Variants in TRPM3 observed in about 807,000 individuals in gnomAD.
TRPM3 encodes transient receptor potential cation channel subfamily M member 3, also known as long transient receptor potential channel 3.
A neutral mutation model predicts 181.2 loss-of-function variants in TRPM3; 77 were observed. That is an observed-to-expected ratio of 0.42 (90% CI 0.35 to 0.51). TRPM3 has a LOEUF of 0.51. TRPM3 is among the 20% of genes least tolerant of loss of function. TRPM3 has a pLI of 0.01. For missense variants in TRPM3, 1,759 were observed against 2,196.7 expected (o/e 0.80, Z 3.98); for synonymous variants, 745 against 796.4 (o/e 0.94, Z 1.09).
At chr9:70,561,974 AG>A (rs1220952687) in intron 22 of TRPM3, among the ~76,000 whole-genome samples, 6 of 152,216 alleles carry the variant, frequency 3.9e-5, no homozygotes, top group Admixed American at 3.9e-4. Context: ...TCCCTTTTTT[AG>A]GAAAGACTGA....
intron 1 of TRPM3, among the ~76,000 whole-genome samples, chr9:71,226,041 TAGC>T (rs1334484408): frequency 6.1e-4 from 21 of 34,360 alleles, no homozygotes; most frequent in African/African-American, 1.9e-3. Context: ...AAAAAAAAAA[TAGC>T]AGGGAGATGA....
chr9:71,380,324 A>G (rs1309598350), intron 1 of TRPM3, among the ~76,000 whole-genome samples: 1 of 152,072 alleles, frequency 6.6e-6, no homozygotes, highest in Non-Finnish European at 1.5e-5. Flanking sequence ...AAAAATCTTT[A>G]AATACTTTAA....
intron 1 of TRPM3, among the ~76,000 whole-genome samples, chr9:71,107,334 C>G (rs934105145): frequency 1.3e-5 from 2 of 152,088 alleles, no homozygotes; most frequent in Non-Finnish European, 2.9e-5. Flanking sequence ...TTTTTCTGCC[C>G]CTTCTTCTGG....
intron 1 of TRPM3, among the ~76,000 whole-genome samples, chr9:71,396,637 C>T (rs950796772): frequency 6.6e-6 from 1 of 150,406 alleles, no homozygotes; most frequent in African/African-American, 2.5e-5. Flanking sequence ...AGTTAAAAGT[C>T]GAACTTTGGA....
chr9:70,744,939 C>T (rs945994004), intron 8 of TRPM3, among the ~76,000 whole-genome samples: 2 of 152,142 alleles, frequency 1.3e-5, no homozygotes, highest in African/African-American at 4.8e-5. Context: ...ACTAACTAAA[C>T]AAGCTTGAAC....
At position 71,069,109 on chromosome 9, in the gene TRPM3, A is replaced by T. The variant is rs554481802; in HGVS notation, c.177+52069T>A. On this transcript the variant is annotated intron_variant, in intron 1 of 25. Coordinates refer to ENST00000677713, the MANE Select transcript of TRPM3 (RefSeq NM_001366145.2). ...TGCAGAAAAACATATAGTTCTATGAAAGAATGAGGAAGCTGCCTATGTACT... is the reference window on the plus strand; with the variant it reads ...TGCAGAAAAACATATAGTTCTATGATAGAATGAGGAAGCTGCCTATGTACT... 8.5e-5 allele frequency among the ~76,000 whole-genome samples: 13 copies of T among 152,340 alleles called. No homozygotes were observed. The East Asian group carries it at 2.5e-3, about 29-fold the overall frequency.
rs184365791 is a variant in TRPM3 at position 70,688,798 on chromosome 9, A to G, written c.1273-7220T>C. 9.9e-5 allele frequency among the ~76,000 whole-genome samples: 15 copies of G among 152,228 alleles called. No homozygotes were observed. The East Asian group carries it at 2.5e-3, about 26-fold the overall frequency. ...GTGCATTTAAGAAGCTCTCTTCTAT[A>G]ATGTAACTAGGATCCAACCCTTGCT... On this transcript the variant is annotated intron_variant, in intron 8 of 25. Transcript: ENST00000677713.
chr9:70,697,171 G>A (rs1332986863), intron 8 of TRPM3, among the ~76,000 whole-genome samples: 1 of 152,172 alleles, frequency 6.6e-6, no homozygotes, highest in Non-Finnish European at 1.5e-5. Flanking sequence ...ACTAAAGCTG[G>A]TGGGAGAATG....
chr9:71,078,132 A>G (rs928536611), intron 1 of TRPM3, among the ~76,000 whole-genome samples: 1 of 152,152 alleles, frequency 6.6e-6, no homozygotes, highest in Non-Finnish European at 1.5e-5. Flanking sequence ...TTTTAAAACA[A>G]TATTGTTTGC....
intron 1 of TRPM3, among the ~76,000 whole-genome samples, chr9:70,954,472 C>T (rs1467149050): frequency 6.6e-6 from 1 of 152,094 alleles, no homozygotes; most frequent in African/African-American, 2.4e-5. Flanking sequence ...GTCTCTAAGA[C>T]TCATTTTTAT....
chr9:70,552,749 G>A (rs972703955), intron 24 of TRPM3, 95 bp downstream of exon 24: 1 of 1,297,674 alleles, frequency 7.7e-7, no homozygotes, highest in Non-Finnish European at 1.1e-6. Context: ...CAAGAGGTAG[G>A]AGGAACTAGG....
At chr9:71,323,277 C>A (rs1168943904) in intron 1 of TRPM3, among the ~76,000 whole-genome samples, 2 of 152,132 alleles carry the variant, frequency 1.3e-5, no homozygotes, top group Non-Finnish European at 2.9e-5. Flanking sequence ...TAACTAATTT[C>A]AGGAATACCA....
At chr9:71,388,483 C>T (rs903884165) in intron 1 of TRPM3, among the ~76,000 whole-genome samples, 1 of 152,010 alleles carries the variant, frequency 6.6e-6, no homozygotes, top group Non-Finnish European at 1.5e-5. Flanking sequence ...TTATTTCAGC[C>T]TCAATGTAAG....
At chr9:71,306,884 A>T (rs569496448) in intron 1 of TRPM3, among the ~76,000 whole-genome samples, 2 of 152,260 alleles carry the variant, frequency 1.3e-5, no homozygotes, top group Admixed American at 1.3e-4. Context: ...CAACAACAAC[A>T]ACAAAAACAC....
chr9:71,298,593 A>T lies in TRPM3; in HGVS notation c.183+148060T>A, dbSNP rs181524155. Among the ~76,000 whole-genome samples, 988 of 152,090 alleles carry T rather than the reference A, an allele frequency of 6.5e-3. 4 individuals are homozygous for T. The highest frequency in any genetic ancestry group is 0.024 in the Middle Eastern group (7 of 294). On this transcript the variant is annotated intron_variant, in intron 1 of 24. Coordinates refer to the TRPM3 transcript ENST00000357533. ...TTAATTATACCATCATCTACTTTTT[A>T]AAAAAAATCTGTTTCTCACAATAAT...
At chr9:71,140,620 G>T (rs2075040123) in intron 1 of TRPM3, among the ~76,000 whole-genome samples, 1 of 152,088 alleles carries the variant, frequency 6.6e-6, no homozygotes, top group Non-Finnish European at 1.5e-5. Flanking sequence ...CTCAATGAAT[G>T]CCCTAAATCA....
chr9:71,095,715 C>T (rs1211662793), intron 1 of TRPM3, among the ~76,000 whole-genome samples: 2 of 132,532 alleles, frequency 1.5e-5, no homozygotes, highest in East Asian at 2.3e-4. Context: ...GCTGACATTG[C>T]GTGACTGCAC....
intron 1 of TRPM3, among the ~76,000 whole-genome samples, chr9:71,371,261 G>A (rs2092502718): frequency 1.3e-5 from 2 of 152,048 alleles, no homozygotes; most frequent in African/African-American, 2.4e-5. Flanking sequence ...TTTTTAGGTC[G>A]ATAACTGCCA....
At chr9:71,117,584 A>G (rs141885614) in intron 1 of TRPM3, among the ~76,000 whole-genome samples, 1 of 152,156 alleles carries the variant, frequency 6.6e-6, no homozygotes, top group East Asian at 1.9e-4. Context: ...AGAAGACATC[A>G]AGTTACAGAA....
Sources: allele counts gnomAD v4.1 joint callset (sites outside exome capture counted in the v4.1 genomes callset), GRCh38; gene constraint gnomAD v4.1.1; transcripts MANE v1.5; gene names NCBI Gene and HGNC (gene_info 2026-07-23, HGNC 2026-07-21).